Variants in ZNRF1 observed in about 807,000 individuals in gnomAD.
The protein encoded by ZNRF1 is zinc and ring finger 1, also known as E3 ubiquitin-protein ligase ZNRF1.
Under a neutral mutation model 18.4 loss-of-function variants are expected in ZNRF1, and 3 were observed. The ratio of observed to expected loss-of-function variants is 0.16; its 90% CI spans 0.07 to 0.42. The LOEUF is 0.42. Ranked by LOEUF, ZNRF1 falls within the 10% of genes least tolerant of loss-of-function variation. The pLI is 0.99. For missense variants in ZNRF1, 310 were observed against 329.8 expected (o/e 0.94, Z 0.47); for synonymous variants, 157 against 144.2 (o/e 1.09, Z -0.64).
intron 1 of ZNRF1, among the ~76,000 whole-genome samples, chr16:75,034,345 A>T (rs935753941): frequency 2.0e-5 from 3 of 152,124 alleles, no homozygotes; most frequent in East Asian, 3.9e-4. Context: ...ATTTTCTATG[A>T]GCTTGACCAC....
chr16:75,099,054 T>C (rs1171204036), intron 2 of ZNRF1, among the ~76,000 whole-genome samples: 1 of 152,144 alleles, frequency 6.6e-6, no homozygotes, highest in Non-Finnish European at 1.5e-5. Context: ...AAGGGGGAGA[T>C]GCAAAGTGCC....
At chr16:75,097,622 C>A (rs1036770377) in intron 2 of ZNRF1, among the ~76,000 whole-genome samples, 1 of 152,102 alleles carries the variant, frequency 6.6e-6, no homozygotes, top group Non-Finnish European at 1.5e-5. Flanking sequence ...GAATTTGAAA[C>A]CAGCCTGGGC....
chr16:75,076,239 G>C (rs375816765), intron 1 of ZNRF1, among the ~76,000 whole-genome samples: 11 of 152,172 alleles, frequency 7.2e-5, no homozygotes, highest in African/African-American at 2.6e-4. Context: ...TTATATAAAT[G>C]GTTCTGAACT....
chr16:75,066,271 A>T (rs1434199824), intron 1 of ZNRF1, among the ~76,000 whole-genome samples: 1 of 152,236 alleles, frequency 6.6e-6, no homozygotes, highest in African/African-American at 2.4e-5. Flanking sequence ...TGTATTGAGG[A>T]CATATATCAC....
Position 74,999,563 on chromosome 16 carries a change from C to T in ZNRF1, c.-109C>T. On this transcript the variant is annotated 5_prime_UTR_variant, in exon 1 of 5. Transcript: ENST00000335325. ...TTTTTCCTTTTCTCCCTCCGGGTCT[C>T]CTTTTTGACTCCCTCCCCCTTTATG... 2 of 808,468 alleles carry T rather than the reference C, an allele frequency of 2.5e-6. No homozygotes were observed. The highest frequency in any genetic ancestry group is 4.3e-5 in the Admixed American group (1 of 23,454). The allele number at this position is 808,468 out of a possible 1,614,324, so 50.1% of individuals were successfully genotyped here.
intron 1 of ZNRF1, among the ~76,000 whole-genome samples, chr16:75,091,984 A>T (rs1452491480): frequency 6.6e-6 from 1 of 152,060 alleles, no homozygotes; most frequent in Admixed American, 6.6e-5. Context: ...GGAGAGAGAA[A>T]ATAAAATGTT....
At chr16:75,012,403 G>A (rs947153208) in intron 1 of ZNRF1, among the ~76,000 whole-genome samples, 1 of 152,178 alleles carries the variant, frequency 6.6e-6, no homozygotes, top group Non-Finnish European at 1.5e-5. Context: ...GAATCTAGAG[G>A]TCATGGGGAA....
intron 2 of ZNRF1, among the ~76,000 whole-genome samples, chr16:75,100,239 G>T (rs1225039592): frequency 2.6e-5 from 4 of 152,212 alleles, no homozygotes; most frequent in African/African-American, 9.6e-5. Context: ...CAGGCCAGCT[G>T]GTAAAGGCAC....
rs962846862 is a variant in ZNRF1 at position 75,068,285 on chromosome 16, G to C, written c.425-25287G>C. 3.3e-5 allele frequency among the ~76,000 whole-genome samples: 5 copies of C among 151,244 alleles called. No individual in the cohort carries two copies. The East Asian group carries it at 5.9e-4, about 18-fold the overall frequency. The stretch of plus-strand genomic sequence containing the variant: ...AGACTGAGATGGGAGGATTGCTTAA[G>C]CCCTGGAGGTTGAAGCTGCAGTGAA... On this transcript the variant is annotated intron_variant, in intron 1 of 4. Coordinates refer to ENST00000335325, the MANE Select transcript of ZNRF1 (RefSeq NM_032268.5).
intron 1 of ZNRF1, among the ~76,000 whole-genome samples, chr16:75,045,870 C>T (rs1016580502): frequency 4.6e-5 from 7 of 151,850 alleles, no homozygotes; most frequent in African/African-American, 1.7e-4. Flanking sequence ...CCACTGTGTC[C>T]CGCTGTCATT....
At chr16:75,065,688 T>C (rs2035794364) in intron 1 of ZNRF1, among the ~76,000 whole-genome samples, 1 of 152,248 alleles carries the variant, frequency 6.6e-6, no homozygotes, top group Admixed American at 6.5e-5. Flanking sequence ...CTTATGCTTA[T>C]GCAAGCATGA....
Position 74,999,791 on chromosome 16 carries a change from C to T in ZNRF1, c.120C>T (p.Gly40=). ...CCCATTTCGGGCACTACCGGACGGG[C>T]GGCGGGGCCATGGGGCTGCGCAGCC... The part of the protein sequence containing the change: ...GAPHFGHYRT[G]GGAMGLRSRS... Residue 40 remains glycine (G), a synonymous_variant, in exon 1 of 5, where the codon GGC becomes GGT. Transcript: ENST00000335325. The T allele has an allele frequency of 7.1e-7, 1 of 1,415,954 alleles. No individual in the cohort carries two copies. The highest frequency in any genetic ancestry group is 1.5e-5 in the South Asian group (1 of 66,664). The allele number at this position is 1,415,954 out of a possible 1,614,324, so 87.7% of individuals were successfully genotyped here.
rs536745180 is a variant in ZNRF1 at position 75,067,117 on chromosome 16, TC to T, written c.425-26454del. On this transcript the variant is annotated intron_variant, in intron 1 of 4. Transcript: ENST00000335325. ...AGTTTGGGGCTGGGACAGCTGCAGT[TC>T]TCCGTCATCTGTTTATGTGTACATT... Among the ~76,000 whole-genome samples, 119 of 152,280 alleles carry T rather than the reference TC, an allele frequency of 7.8e-4. 5 individuals are homozygous for T. The South Asian group carries it at 0.024, about 31-fold the overall frequency.
chr16:75,019,716 C>T (rs8047548), intron 1 of ZNRF1, among the ~76,000 whole-genome samples: 144,323 of 152,234 alleles, frequency 0.95, 68,863 homozygotes, highest in Non-Finnish European at 1. Context: ...TTGTTTTGTT[C>T]TGTTTTGTTT....
At position 74,999,697 on chromosome 16, in the gene ZNRF1, C is replaced by A; in HGVS notation, c.26C>A (p.Ala9Asp). ...ATGGGGGGCAAGCAGAGCACGGCGG[C>A]CCGCTCCCGGGGCCCCTTCCCGGGG... MGGKQSTA[A>D]RSRGPFPGVS... Residue 9 changes from alanine to aspartate, a missense_variant, in exon 1 of 5, where the codon GCC (alanine) becomes GAC (aspartate). Transcript: ENST00000335325. 1 of 1,361,352 alleles carries A rather than the reference C, an allele frequency of 7.3e-7. No individual in the cohort carries two copies. The highest frequency in any genetic ancestry group is 9.4e-7 in the Non-Finnish European group (1 of 1,063,382). 84.3% of individuals were successfully genotyped at this position (1,361,352 alleles called of 1,614,324 possible). A position where few individuals can be genotyped will look rare whatever the true frequency, so the allele number is the denominator to read the frequency against.
At chr16:75,075,458 C>A (rs1477997864) in intron 1 of ZNRF1, among the ~76,000 whole-genome samples, 1 of 152,356 alleles carries the variant, frequency 6.6e-6, no homozygotes, top group Non-Finnish European at 1.5e-5. Context: ...ACTTAACCCT[C>A]GCTGTGGTAT....
chr16:75,088,682 C>T (rs2036102467), intron 1 of ZNRF1, among the ~76,000 whole-genome samples: 3 of 152,132 alleles, frequency 2.0e-5, no homozygotes, highest in Admixed American at 1.3e-4. Flanking sequence ...TCTGGCCATG[C>T]GAATCTTGAT....
chr16:75,002,658 G>T lies in ZNRF1; in HGVS notation c.424+2563G>T, dbSNP rs551612870. ...TCTGAGCAGCTGTGACCTTGGGCAAGACATATCCCCTCTCTTGAGCCTTAT... is the reference window on the plus strand; with the variant it reads ...TCTGAGCAGCTGTGACCTTGGGCAATACATATCCCCTCTCTTGAGCCTTAT... On this transcript the variant is annotated intron_variant, in intron 1 of 4. Transcript: ENST00000335325. Among the ~76,000 whole-genome samples, 3 of 152,196 alleles carry T rather than the reference G, an allele frequency of 2.0e-5. No homozygotes were observed. In the East Asian group the frequency reaches 5.8e-4, roughly 29 times the overall value.
At chr16:75,025,643 A>AC (rs902156093) in intron 1 of ZNRF1, among the ~76,000 whole-genome samples, 4 of 151,936 alleles carry the variant, frequency 2.6e-5, no homozygotes, top group Non-Finnish European at 5.9e-5. Flanking sequence ...AAAGAGCTCG[A>AC]CCCCCACTGC....
Sources: gnomAD v4.1 joint callset for allele counts (sites outside exome capture counted in the v4.1 genomes callset) on GRCh38, gnomAD v4.1.1 for gene constraint, MANE v1.5 for transcripts, NCBI Gene and HGNC (gene_info 2026-07-23, HGNC 2026-07-21) for gene names.